Variants in CD38 observed in about 807,000 individuals in gnomAD.
CD38 encodes the protein ADP-ribosyl cyclase/cyclic ADP-ribose hydrolase 1.
A neutral mutation model predicts 36.3 loss-of-function variants in CD38; 31 were observed. That is an observed-to-expected ratio of 0.85 (90% CI 0.64 to 1.15). CD38 has a LOEUF of 1.15. CD38 is among the 50% of genes most tolerant of loss of function. The pLI is 0.00. For missense variants in CD38, 380 were observed against 371.9 expected (o/e 1.02, Z -0.18); for synonymous variants, 131 against 135.2 (o/e 0.97, Z 0.22).
chr4:15,847,805 T>C (rs969249159), intron 7 of CD38, among the ~76,000 whole-genome samples: 4 of 152,182 alleles, frequency 2.6e-5, no homozygotes, highest in Admixed American at 1.3e-4. Flanking sequence ...AAGACCTTTA[T>C]ATTATAATTC....
intron 2 of CD38, among the ~76,000 whole-genome samples, chr4:15,819,704 G>T (rs1000189637): frequency 1.3e-5 from 2 of 152,020 alleles, no homozygotes; most frequent in African/African-American, 4.8e-5. Flanking sequence ...AGAGAAAAAA[G>T]AATGAAAAGG....
chr4:15,810,765 G>A (rs1938688570), intron 1 of CD38, among the ~76,000 whole-genome samples: 1 of 152,222 alleles, frequency 6.6e-6, no homozygotes, highest in African/African-American at 2.4e-5. Flanking sequence ...ACATTTTCAT[G>A]TATAACCCAA....
At chr4:15,801,658 T>G (rs904630102) in intron 1 of CD38, among the ~76,000 whole-genome samples, 1 of 152,018 alleles carries the variant, frequency 6.6e-6, no homozygotes, top group African/African-American at 2.4e-5. Flanking sequence ...TCAACAAACA[T>G]AATACATCCC....
rs1723601055 is a variant in CD38 at position 15,816,613 on chromosome 4, G to A, written c.336G>A (p.Leu112=). The part of the protein sequence containing the change: ...TEEDYQPLMK[L]GTQTVPCNKI... ...AAGACTATCAGCCACTAATGAAGTT[G>A]GGAACTCAGACCGTACCTTGCAACA... The change falls in exon 2 of 8, where the codon TTG becomes TTA. Residue 112 remains leucine (L), a synonymous_variant. Coordinates refer to ENST00000226279, the MANE Select transcript of CD38 (RefSeq NM_001775.4). 5 of 1,613,954 alleles carry A rather than the reference G, an allele frequency of 3.1e-6. No individual in the cohort carries two copies. Among genetic ancestry groups the A allele is most frequent in the Non-Finnish European group, 8.5e-7 (1 of 1,179,912 alleles).
chr4:15,790,853 C>T (rs1451425315), intron 1 of CD38, among the ~76,000 whole-genome samples: 3 of 149,482 alleles, frequency 2.0e-5, no homozygotes, highest in Non-Finnish European at 4.5e-5. Flanking sequence ...TGAGGAGCGC[C>T]TCTGCTGGGC....
chr4:15,832,876 T>TA (rs1226569750), intron 3 of CD38, among the ~76,000 whole-genome samples: 2 of 151,836 alleles, frequency 1.3e-5, no homozygotes, highest in African/African-American at 4.8e-5. Flanking sequence ...GGGACTAGAG[T>TA]AAAAAACCTT....
At position 15,778,665 on chromosome 4, in the gene CD38, G is replaced by C; in HGVS notation, c.233+18G>C. 1 of 1,555,724 alleles carries C rather than the reference G, an allele frequency of 6.4e-7. No individual in the cohort carries two copies. Among genetic ancestry groups the C allele is most frequent in the South Asian group, 1.1e-5 (1 of 89,892 alleles). On this transcript the variant is annotated intron_variant, in intron 1 of 7. Transcript: ENST00000226279. This position sits in a 1 kb window ranked among gnomAD's most constrained non-coding sequence, Gnocchi z 4.9. The stretch of plus-strand genomic sequence containing the variant: ...GAGATGAGGTGGGTTGGCGACTAAG[G>C]CGCACCGGTGGGCACTGCGGGGACA...
intron 5 of CD38, among the ~76,000 whole-genome samples, chr4:15,839,295 G>T (rs1471284856): frequency 2.0e-5 from 3 of 152,042 alleles, no homozygotes; most frequent in Admixed American, 6.6e-5. Context: ...TGGGATTAGG[G>T]CAGGCAACCA....
Position 15,852,213 on chromosome 4 carries a change from A to G in CD38, c.*3611A>G, listed in dbSNP as rs1724402654. ...AGTGCCATGTCCACGTCTCTCATGT[A>G]ACTGGCAGAGCTATCAAATATTTTG... is the stretch of plus-strand genomic sequence containing the variant. On this transcript the variant is annotated 3_prime_UTR_variant, in exon 8 of 8. Coordinates refer to ENST00000226279, the MANE Select transcript of CD38 (RefSeq NM_001775.4). 1 of 152,238 alleles carries G rather than the reference A, an allele frequency of 6.6e-6. No individual in the cohort carries two copies. The highest frequency in any genetic ancestry group is 2.4e-5 in the African/African-American group (1 of 41,452). The allele number at this position is 152,238 out of a possible 1,614,324, so 9.4% of individuals were successfully genotyped here.
intron 3 of CD38, among the ~76,000 whole-genome samples, chr4:15,830,204 C>G (rs1723931685): frequency 6.6e-6 from 1 of 152,118 alleles, no homozygotes; most frequent in Admixed American, 6.6e-5. Flanking sequence ...TTCACATTCC[C>G]ACCAACAGTG....
intron 4 of CD38, among the ~76,000 whole-genome samples, chr4:15,835,945 A>C (rs1055217698): frequency 6.6e-6 from 1 of 152,208 alleles, no homozygotes; most frequent in Non-Finnish European, 1.5e-5. Context: ...TGGACAAGGA[A>C]ACATTTCTTT....
intron 1 of CD38, among the ~76,000 whole-genome samples, chr4:15,798,732 G>A (rs954685438): frequency 2.6e-5 from 4 of 152,050 alleles, no homozygotes; most frequent in Admixed American, 6.6e-5. Context: ...ATTCATCCTC[G>A]TCATCATTCG....
chr4:15,831,411 T>C (rs1479675026), intron 3 of CD38, among the ~76,000 whole-genome samples: 1 of 152,184 alleles, frequency 6.6e-6, no homozygotes, highest in Non-Finnish European at 1.5e-5. Flanking sequence ...CTCATTAATA[T>C]CCTTTTCTTT....
intron 2 of CD38, among the ~76,000 whole-genome samples, chr4:15,818,664 G>A (rs1211685928): frequency 6.6e-6 from 1 of 152,188 alleles, no homozygotes; most frequent in Admixed American, 6.5e-5. Context: ...GGAGCAGGCT[G>A]TCATCTTTGC....
chr4:15,813,268 T>C (rs1289564663), intron 1 of CD38, among the ~76,000 whole-genome samples: 1 of 152,048 alleles, frequency 6.6e-6, no homozygotes, highest in Non-Finnish European at 1.5e-5. Flanking sequence ...ATAGATGAAT[T>C]TTATCAGGTT....
At chr4:15,806,634 T>A (rs930155848) in intron 1 of CD38, among the ~76,000 whole-genome samples, 4 of 152,046 alleles carry the variant, frequency 2.6e-5, no homozygotes, top group African/African-American at 9.7e-5. Flanking sequence ...CTTGGGTAGG[T>A]CAGAGAAGGC....
At chr4:15,821,359 TAGAG>T (rs921266714) in intron 2 of CD38, among the ~76,000 whole-genome samples, 2 of 147,006 alleles carry the variant, frequency 1.4e-5, no homozygotes, top group African/African-American at 2.5e-5. Context: ...CTGAAGGAGA[TAGAG>T]ACACAAAAAT....
At chr4:15,796,221 G>A (rs1439535998) in intron 1 of CD38, among the ~76,000 whole-genome samples, 1 of 152,068 alleles carries the variant, frequency 6.6e-6, no homozygotes, top group Non-Finnish European at 1.5e-5. Flanking sequence ...ACGTTTTGGG[G>A]TCCTGCTTTT....
chr4:15,802,058 A>G (rs756963753), intron 1 of CD38, among the ~76,000 whole-genome samples: 3 of 152,132 alleles, frequency 2.0e-5, no homozygotes, highest in Non-Finnish European at 2.9e-5. Flanking sequence ...TAAAGACTCC[A>G]CCAAAAAACT....
Sources: gnomAD v4.1 joint callset for allele counts (sites outside exome capture counted in the v4.1 genomes callset) on GRCh38, gnomAD v4.1.1 for gene constraint, Gnocchi (gnomAD v3.1) non-coding constraint, MANE v1.5 for transcripts, NCBI Gene and HGNC (gene_info 2026-07-23, HGNC 2026-07-21) for gene names.